The following ROR2 variants were observed in gnomAD, a reference collection of about 807,000 sequenced individuals.
The protein encoded by ROR2 is tyrosine-protein kinase transmembrane receptor ROR2.
A neutral mutation model predicts 74.9 loss-of-function variants in ROR2; 33 were observed. The ratio of observed to expected loss-of-function variants is 0.44; its 90% confidence interval spans 0.33 to 0.59. The LOEUF is 0.59. Among genes scored for constraint, ROR2 ranks in the 20% least tolerant of loss-of-function variants. ROR2 has a pLI of 0.02. For synonymous variants in ROR2, 586 were observed against 558.7 expected, an observed-to-expected ratio of 1.05 and a Z score of -0.69; for missense variants, 1,216 against 1,313.8, an observed-to-expected ratio of 0.93 and a Z score of 1.15.
At chr9:91,861,900 C>T (rs1401778108) in intron 1 of ROR2, among the ~76,000 whole-genome samples, 1 of 152,030 alleles carries the variant, frequency 6.6e-6, no homozygotes, top group African/African-American at 2.4e-5. Flanking sequence ...GAATGTATCC[C>T]CCCCACCCCA....
intron 4 of ROR2, among the ~76,000 whole-genome samples, chr9:91,749,211 T>C (rs1157498735): frequency 1.3e-5 from 2 of 152,014 alleles, no homozygotes; most frequent in East Asian, 1.9e-4. Context: ...TTTAGAAAAA[T>C]GGTATGGTAA....
intron 4 of ROR2, among the ~76,000 whole-genome samples, chr9:91,748,792 G>A (rs370848730): frequency 6.6e-6 from 1 of 152,224 alleles, no homozygotes; most frequent in African/African-American, 2.4e-5. Flanking sequence ...CAGCATTTTG[G>A]GAGGCTGAGG....
chr9:91,829,193 T>C (rs1458470039), intron 1 of ROR2, among the ~76,000 whole-genome samples: 1 of 152,184 alleles, frequency 6.6e-6, no homozygotes, highest in Non-Finnish European at 1.5e-5. Context: ...GAGTGAGACA[T>C]ACAGATTAAC....
At chr9:91,809,817 G>A (rs1046677928) in intron 1 of ROR2, among the ~76,000 whole-genome samples, 2 of 152,204 alleles carry the variant, frequency 1.3e-5, no homozygotes, top group Admixed American at 6.5e-5. Context: ...CCACCTTCAA[G>A]GGTCACTGCT....
intron 1 of ROR2, among the ~76,000 whole-genome samples, chr9:91,923,257 G>C (rs1020620725): frequency 1.3e-5 from 2 of 152,230 alleles, no homozygotes. Flanking sequence ...TGTGAAGAGG[G>C]AGAGTGTCTC....
At chr9:91,839,275 T>TGTGTGTGTGTGTGTGTGTGAGTACAGGC (rs1828711153) in intron 1 of ROR2, among the ~76,000 whole-genome samples, 1 of 145,874 alleles carries the variant, frequency 6.9e-6, no homozygotes, top group East Asian at 2.1e-4. Flanking sequence ...TGTGTGTGTG[T>TGTGTGTGTGTGTGTGTGTGAGTACAGGC]GTGTGTGTGT....
At chr9:91,917,619 C>T (rs1831169087) in intron 1 of ROR2, among the ~76,000 whole-genome samples, 2 of 152,222 alleles carry the variant, frequency 1.3e-5, no homozygotes, top group South Asian at 4.1e-4. Context: ...ACAGCGGGCA[C>T]AGATCCCACT....
intron 1 of ROR2, among the ~76,000 whole-genome samples, chr9:91,924,662 G>A (rs1278609524): frequency 2.0e-5 from 3 of 152,146 alleles, no homozygotes; most frequent in Admixed American, 6.5e-5. Flanking sequence ...GCGTGGTAGC[G>A]GGCGCCTGTA....
chr9:91,865,624 C>T (rs777822808), intron 1 of ROR2, among the ~76,000 whole-genome samples: 4 of 152,190 alleles, frequency 2.6e-5, no homozygotes, highest in Non-Finnish European at 4.4e-5. Context: ...AGGGCCATGA[C>T]AATATTTCAT....
At chr9:91,787,313 C>T (rs1177847398) in intron 1 of ROR2, among the ~76,000 whole-genome samples, 1 of 152,088 alleles carries the variant, frequency 6.6e-6, no homozygotes, top group South Asian at 2.1e-4. Flanking sequence ...GAGTTCAAGA[C>T]CAGCCTGCAT....
intron 6 of ROR2, among the ~76,000 whole-genome samples, chr9:91,731,433 AGAATGGG>A (rs1006364352): frequency 1.3e-5 from 2 of 152,150 alleles, no homozygotes; most frequent in African/African-American, 4.8e-5. Context: ...CCACCCCACC[AGAATGGG>A]GATGTCTCCC....
rs114985223 is a variant in ROR2, at chr9:91,818,662, G to A, written c.98-42844C>T. ...TAGAAGAAAAGAGACCATGGCCCAC[G>A]CTGGCATAGTAAGCCTAACACTGTA... is the stretch of plus-strand genomic sequence containing the variant. On this transcript the variant is annotated intron_variant, in intron 1 of 8. Transcript: ENST00000375708. Among the ~76,000 whole-genome samples, 763 of 152,326 alleles carry A rather than the reference G, an allele frequency of 5.0e-3. 5 individuals are homozygous for A. Among genetic ancestry groups the A allele is most frequent in the African/African-American group, 0.018 (736 of 41,576 alleles).
At chr9:91,881,189 G>A (rs1163880210) in intron 1 of ROR2, among the ~76,000 whole-genome samples, 2 of 152,086 alleles carry the variant, frequency 1.3e-5, no homozygotes, top group Non-Finnish European at 2.9e-5. Context: ...GAAAACGAGT[G>A]GAGTGTTTGA....
At chr9:91,845,581 A>T (rs944927315) in intron 1 of ROR2, among the ~76,000 whole-genome samples, 1 of 152,178 alleles carries the variant, frequency 6.6e-6, no homozygotes, top group African/African-American at 2.4e-5. Flanking sequence ...TATAATCTAC[A>T]TATAATAACA....
chr9:91,930,353 A>G (rs1429921117), intron 1 of ROR2, among the ~76,000 whole-genome samples: 3 of 152,154 alleles, frequency 2.0e-5, no homozygotes, highest in Non-Finnish European at 2.9e-5. Flanking sequence ...CTTTCCACGC[A>G]TTTACCCTGT....
chr9:91,845,229 G>C (rs1363887140), intron 1 of ROR2, among the ~76,000 whole-genome samples: 1 of 152,028 alleles, frequency 6.6e-6, no homozygotes, highest in Non-Finnish European at 1.5e-5. Context: ...TGTAGGGCCT[G>C]GGCTGCCCAG....
intron 1 of ROR2, among the ~76,000 whole-genome samples, chr9:91,827,700 T>C (rs562364927): frequency 7.2e-5 from 11 of 152,344 alleles, no homozygotes; most frequent in African/African-American, 2.6e-4. Flanking sequence ...ATCGGTCCAA[T>C]GTACAGATCG....
chr9:91,733,732 CT>C lies in ROR2; in HGVS notation c.623-297del, dbSNP rs148477816. 0.018 allele frequency among the ~76,000 whole-genome samples: 2,665 copies of C among 152,260 alleles called. 72 individuals are homozygous for C. The highest frequency in any genetic ancestry group is 0.061 in the African/African-American group (2,524 of 41,554). Reference sequence around the variant, plus strand: ...CAAGAAAGAAGGAAAACTCGGCCCCCTAGCTCACTCCGCTAGGTGCTTCTTC... The same window carrying C: ...CAAGAAAGAAGGAAAACTCGGCCCCCAGCTCACTCCGCTAGGTGCTTCTTC... On this transcript the variant is annotated intron_variant, in intron 5 of 8. Transcript: ENST00000375708. The surrounding 1 kb of genome is among the most constrained non-coding windows in gnomAD (Gnocchi z 5.7).
intron 1 of ROR2, among the ~76,000 whole-genome samples, chr9:91,810,439 T>C (rs1827712719): frequency 6.6e-6 from 1 of 152,096 alleles, no homozygotes; most frequent in Non-Finnish European, 1.5e-5. Context: ...CTTGAACAGA[T>C]GTTCTCCCGG....
Sources: allele counts gnomAD v4.1 joint callset (sites outside exome capture counted in the v4.1 genomes callset), GRCh38; gene constraint gnomAD v4.1.1; non-coding constraint Gnocchi (gnomAD v3.1); transcripts MANE v1.5; gene names NCBI Gene and HGNC (gene_info 2026-07-23, HGNC 2026-07-21).